KAT6A: variants seen among roughly 807,000 people sequenced by gnomAD.
KAT6A encodes the protein histone acetyltransferase KAT6A.
Under a neutral mutation model 198.4 loss-of-function variants are expected in KAT6A, and 9 were observed. The observed-to-expected ratio is 0.05, with a 90% CI of 0.03 to 0.08. The LOEUF (loss-of-function observed/expected upper bound fraction) is 0.08. Among genes scored for constraint, KAT6A ranks in the 10% least tolerant of loss-of-function variants. The pLI is 1.00. For missense variants in KAT6A, 2,077 were observed against 2,509.9 expected, an observed-to-expected ratio of 0.83 and a Z score of 3.69; for synonymous variants, 890 against 883.0, an observed-to-expected ratio of 1.01 and a Z score of -0.14.
At chr8:42,009,903 A>AC (rs1359742542) in intron 2 of KAT6A, among the ~76,000 whole-genome samples, 2 of 143,960 alleles carry the variant, frequency 1.4e-5, no homozygotes, top group African/African-American at 5.2e-5. Context: ...TCAAAAAAAA[A>AC]AAAAAAAAAA....
In KAT6A at chr8:41,933,276, C is replaced by T. The variant is rs763116652; in HGVS notation, c.4944G>A (p.Gln1648=). 8 of 1,574,366 alleles carry T rather than the reference C, an allele frequency of 5.1e-6. No homozygotes were observed. In the Admixed American group the frequency reaches 5.2e-5, roughly 10 times the overall value. The change falls in exon 17 of 17, where the codon CAG becomes CAA. Residue 1648 remains glutamine (Q), a synonymous_variant. Coordinates refer to ENST00000265713, the MANE Select transcript of KAT6A (RefSeq NM_006766.5). This position sits in a 1 kb window ranked among gnomAD's most constrained non-coding sequence, Gnocchi z 6.2. ...GTGGAGGCGGTGGTGGCGGCTGCTG[C>T]TGCTGGTTACTGGGAGGCCTCTCCA... is the stretch of plus-strand genomic sequence containing the variant. The part of the protein sequence containing the change: ...CVVERPPSNQ[Q]QQPPPPPPQQ...
Position 41,947,923 on chromosome 8 carries a change from AAACAG to A in KAT6A, c.1741-16_1741-12del, listed in dbSNP as rs1822474896. The A allele has an allele frequency of 6.3e-7, 1 of 1,574,868 alleles. No individual in the cohort carries two copies. The highest frequency in any genetic ancestry group is 8.6e-7 in the Non-Finnish European group (1 of 1,165,914). On this transcript the variant is annotated splice_polypyrimidine_tract_variant and intron_variant, in intron 10 of 16. Coordinates refer to ENST00000265713, the MANE Select transcript of KAT6A (RefSeq NM_006766.5). Reference sequence around the variant, plus strand: ...CACATTCCCATCAACCTAGAGAAATAAACAGAACAAAACAGTCAGTAGAGGGTCTC... The same window carrying A: ...CACATTCCCATCAACCTAGAGAAATAAACAAAACAGTCAGTAGAGGGTCTC...
rs1484323218 is a variant in KAT6A, at chr8:41,937,555, T to G, written c.3053A>C (p.His1018Pro). The stretch of plus-strand genomic sequence containing the variant: ...GCGCTTTCGGACTCTCCTCCTTCGG[T>G]GGAGAAATGGTTTCTGTTTAATAGA... ...PTLKRKKPFL[H>P]RRRRVRKRKH... Residue 1018 changes from histidine (H) to proline (P), a missense_variant, in exon 16 of 17, where the codon CAC becomes CCC. By Grantham distance (77) the His-to-Pro change is moderately conservative. Coordinates refer to ENST00000265713, the MANE Select transcript of KAT6A (RefSeq NM_006766.5). 3.1e-6 allele frequency: 5 copies of G among 1,608,840 alleles called. No individual in the cohort carries two copies. In the South Asian group the frequency reaches 4.4e-5, roughly 14 times the overall value.
chr8:42,018,662 C>G (rs897654540), intron 2 of KAT6A, among the ~76,000 whole-genome samples: 1 of 152,206 alleles, frequency 6.6e-6, no homozygotes, highest in African/African-American at 2.4e-5. Flanking sequence ...GTGGCTCATG[C>G]CTGTAATCCC....
chr8:42,024,677 G>A (rs955473492), intron 2 of KAT6A, among the ~76,000 whole-genome samples: 9 of 152,010 alleles, frequency 5.9e-5, no homozygotes, highest in African/African-American at 2.2e-4. Flanking sequence ...AAGTGAGAAC[G>A]TGACAGCTGT....
At chr8:41,991,711 G>A (rs1277071213) in intron 2 of KAT6A, among the ~76,000 whole-genome samples, 3 of 152,082 alleles carry the variant, frequency 2.0e-5, no homozygotes, top group Non-Finnish European at 2.9e-5. Context: ...ATTAAAGTTT[G>A]GAACTTAGGA....
chr8:41,944,357 G>GA (rs1367061836), intron 12 of KAT6A, among the ~76,000 whole-genome samples: 2 of 152,132 alleles, frequency 1.3e-5, no homozygotes, highest in Non-Finnish European at 2.9e-5. Context: ...AAGTACAAAA[G>GA]AATGCCTTCA....
rs915828014 is a variant in KAT6A at position 41,933,215 on chromosome 8, CTGGTTG to C, written c.4999_5004del (p.Gln1667_Pro1668del). ...TGCTGGGGTGGTGGAGGCTGTGGTG[CTGGTTG>C]TGGTTGTGGCGGCGGCGGCTGTGGC... On this transcript the variant is annotated inframe_deletion, in exon 17 of 17. Coordinates refer to ENST00000265713, the MANE Select transcript of KAT6A (RefSeq NM_006766.5). This position sits in a 1 kb window ranked among gnomAD's most constrained non-coding sequence, Gnocchi z 6.2. The C allele has an allele frequency of 6.3e-7, 1 of 1,578,416 alleles. No homozygotes were observed. The highest frequency in any genetic ancestry group is 8.6e-7 in the Non-Finnish European group (1 of 1,165,660).
At chr8:41,963,492 C>T (rs1823308699) in intron 8 of KAT6A, among the ~76,000 whole-genome samples, 1 of 152,152 alleles carries the variant, frequency 6.6e-6, no homozygotes, top group African/African-American at 2.4e-5. Flanking sequence ...ACTCCCAATC[C>T]AACAGCAGTC....
intron 7 of KAT6A, among the ~76,000 whole-genome samples, chr8:41,975,856 C>T (rs1344006411): frequency 1.3e-5 from 2 of 152,116 alleles, no homozygotes; most frequent in East Asian, 1.9e-4. Flanking sequence ...TCTAATAAAC[C>T]GTCTCCAGTA....
chr8:42,008,748 C>A (rs1157135108), intron 2 of KAT6A, among the ~76,000 whole-genome samples: 1 of 152,064 alleles, frequency 6.6e-6, no homozygotes, highest in Non-Finnish European at 1.5e-5. Flanking sequence ...AATACTGTAA[C>A]CACTAGCCAC....
chr8:42,000,245 T>C (rs1269897538), intron 2 of KAT6A, among the ~76,000 whole-genome samples: 1 of 152,148 alleles, frequency 6.6e-6, no homozygotes, highest in Non-Finnish European at 1.5e-5. Context: ...ATTTCTATGC[T>C]AAAATATATA....
chr8:41,964,000 T>C (rs1823335779), intron 8 of KAT6A, among the ~76,000 whole-genome samples: 1 of 152,138 alleles, frequency 6.6e-6, no homozygotes, highest in African/African-American at 2.4e-5. Context: ...TCACCTCCTC[T>C]ACAAAGACTT....
At chr8:41,978,934 C>T (rs187054064) in intron 5 of KAT6A, among the ~76,000 whole-genome samples, 157 bp from the exon 6 acceptor site, 4 of 152,228 alleles carry the variant, frequency 2.6e-5, no homozygotes. Flanking sequence ...AACATTAAAA[C>T]ATATACACAC....
At chr8:41,991,393 C>T (rs1824939810) in intron 2 of KAT6A, among the ~76,000 whole-genome samples, 1 of 152,078 alleles carries the variant, frequency 6.6e-6, no homozygotes, top group African/African-American at 2.4e-5. Context: ...ACATCCTGTA[C>T]ATTTTTTTAA....
intron 9 of KAT6A, among the ~76,000 whole-genome samples, chr8:41,951,695 G>A (rs1273324867): frequency 6.6e-6 from 1 of 152,210 alleles, no homozygotes; most frequent in Non-Finnish European, 1.5e-5. Flanking sequence ...AGCTGGGCAT[G>A]CTTCTCTAAC....
chr8:41,933,854 G>A lies in KAT6A; in HGVS notation c.4366C>T (p.Leu1456=), dbSNP rs1821696400. The part of the protein sequence containing the change: ...CEETLAACQT[L]QSYTQADEDP... ...TCGTCAGCCTGGGTGTAACTCTGCA[G>A]GGTCTGACACGCCGCAAGAGTTTCC... Residue 1456 remains leucine, a synonymous_variant, in exon 17 of 17, where the codon CTG becomes TTG. Coordinates refer to ENST00000265713, the MANE Select transcript of KAT6A (RefSeq NM_006766.5). The surrounding 1 kb of genome is among the most constrained non-coding windows in gnomAD (Gnocchi z 6.2). 1.9e-6 allele frequency: 3 copies of A among 1,614,148 alleles called. No individual in the cohort carries two copies. The highest frequency in any genetic ancestry group is 1.7e-5 in the Admixed American group (1 of 60,028).
At chr8:42,037,371 T>C (rs1324393395) in intron 2 of KAT6A, among the ~76,000 whole-genome samples, 2 of 152,184 alleles carry the variant, frequency 1.3e-5, no homozygotes, top group Non-Finnish European at 2.9e-5. Flanking sequence ...TGGGAAACTA[T>C]TAAAGTACAG....
chr8:42,043,350 TATTTCTGTCCCAA>T (rs1827759270), intron 2 of KAT6A, among the ~76,000 whole-genome samples: 1 of 152,252 alleles, frequency 6.6e-6, no homozygotes, highest in South Asian at 2.1e-4. Context: ...AGGAAAACAG[TATTTCTGTCCCAA>T]ATTAAAGCAC....
Sources: gnomAD v4.1 joint callset for allele counts (sites outside exome capture counted in the v4.1 genomes callset) on GRCh38, gnomAD v4.1.1 for gene constraint, Gnocchi (gnomAD v3.1) non-coding constraint, MANE v1.5 for transcripts, NCBI Gene and HGNC (gene_info 2026-07-23, HGNC 2026-07-21) for gene names.